Variants in POLR3A observed in about 807,000 individuals in gnomAD.
The protein encoded by POLR3A is RNA polymerase III subunit A, also known as DNA-directed RNA polymerase III subunit RPC1.
POLR3A carries 112 observed loss-of-function variants against 152.8 expected under a neutral mutation model. That is an observed-to-expected ratio of 0.73 (90% CI 0.63 to 0.86). POLR3A has a LOEUF of 0.86. POLR3A is among the 40% of genes least tolerant of loss of function. The probability of loss-of-function intolerance (pLI) is 0.00; values close to 1 mark genes in which losing one functional copy is unlikely to be tolerated. For missense variants in POLR3A, 1,385 were observed against 1,743.1 expected, an observed-to-expected ratio of 0.79 and a Z score of 3.66; for synonymous variants, 615 against 652.1, an observed-to-expected ratio of 0.94 and a Z score of 0.87.
chr10:77,997,246 G>A (rs1171688191), intron 19 of POLR3A, among the ~76,000 whole-genome samples: 3 of 151,782 alleles, frequency 2.0e-5, no homozygotes, highest in Admixed American at 6.6e-5. Flanking sequence ...CTTTGAAAAC[G>A]GGCACAAGAC....
At chr10:78,005,229 G>A (rs1291599808) in intron 15 of POLR3A, among the ~76,000 whole-genome samples, 1 of 152,232 alleles carries the variant, frequency 6.6e-6, no homozygotes, top group African/African-American at 2.4e-5. Context: ...GGGTGCAGTG[G>A]CTCACGCCTA....
Position 77,993,360 on chromosome 10 carries a change from A to G in POLR3A, c.2624T>C (p.Leu875Pro), listed in dbSNP as rs757071404. ...TAETGYMQRR[L>P]VKSLEDLCSQ... Reference sequence around the variant, plus strand: ...GCAAAGATCTTCAAGAGATTTGACAAGCCTTCGCTAAAGGAAAAGGAGGAA... The same window carrying G: ...GCAAAGATCTTCAAGAGATTTGACAGGCCTTCGCTAAAGGAAAAGGAGGAA... The change falls in exon 20 of 31, where the codon CTT becomes CCT. Residue 875 changes from leucine (L) to proline (P), a missense_variant. Physicochemically the swap from Leu to Pro is moderately conservative, Grantham distance 98. Around this residue, in one of 7 missense-constraint regions of POLR3A, gnomAD observed 178 missense variants for 204.6 expected, o/e 0.87. Transcript: ENST00000372371. 6.2e-7 allele frequency: 1 copy of G among 1,613,520 alleles called. No individual in the cohort carries two copies.
intron 20 of POLR3A, among the ~76,000 whole-genome samples, chr10:77,991,423 C>T (rs1847246772): frequency 6.6e-6 from 1 of 152,170 alleles, no homozygotes; most frequent in African/African-American, 2.4e-5. Context: ...GCCTTCGCCA[C>T]CCCACTGCCC....
chr10:77,985,442 A>T (rs1416320841), intron 23 of POLR3A, 102 bp from the exon 24 acceptor site: 1 of 911,268 alleles, frequency 1.1e-6, no homozygotes, highest in African/African-American at 1.6e-5. Flanking sequence ...CAGAGAATAT[A>T]GATGCTATTA....
chr10:78,020,173 CAAAAAAAAAAAA>C lies in POLR3A; in HGVS notation c.1186-920_1186-909del, dbSNP rs34239022. On this transcript the variant is annotated intron_variant, in intron 8 of 30. Transcript: ENST00000372371. ...TGGGCAATAGAGTGAGACTCAGTCT[CAAAAAAAAAAAA>C]AAAAAAAAAGTGCTAGCTGGGCACA... 6 of 74,094 alleles carry C rather than the reference CAAAAAAAAAAAA, an allele frequency of 8.1e-5. No homozygotes were observed. The East Asian group carries it at 2.0e-3, about 25-fold the overall frequency. 4.6% of individuals were successfully genotyped at this position (74,094 alleles called of 1,614,324 possible).
At chr10:78,016,781 G>A (rs181949176) in intron 10 of POLR3A, among the ~76,000 whole-genome samples, 24 of 151,476 alleles carry the variant, frequency 1.6e-4, no homozygotes, top group Admixed American at 1.5e-3. Flanking sequence ...AGGCTGAGGT[G>A]GGAGGATCGC....
rs939568896 is a variant in POLR3A, at chr10:77,977,257, C to T, written c.*221G>A. 1 of 577,188 alleles carries T rather than the reference C, an allele frequency of 1.7e-6. No homozygotes were observed. 35.8% of individuals were successfully genotyped at this position (577,188 alleles called of 1,614,324 possible). A position where few individuals can be genotyped will look rare whatever the true frequency, so the allele number is the denominator to read the frequency against. ...GGTTTCAAGCAAGCAAACAATAAAA[C>T]CCTCAGCTCTCCCGAGCAGCGTGGC... On this transcript the variant is annotated 3_prime_UTR_variant, in exon 31 of 31. Transcript: ENST00000372371.
chr10:77,977,697 G>C, intron 30 of POLR3A, 71 bp from the exon 31 acceptor site: 1 of 1,347,774 alleles, frequency 7.4e-7, no homozygotes, highest in Non-Finnish European at 1.1e-6. Context: ...AAAGACTATT[G>C]GCTTAAGTGT....
chr10:77,979,122 C>G (rs1847116416), intron 30 of POLR3A, among the ~76,000 whole-genome samples: 1 of 152,180 alleles, frequency 6.6e-6, no homozygotes, highest in South Asian at 2.1e-4. Context: ...CCTTCTTTAT[C>G]TTAAAGACTT....
At chr10:78,021,515 C>A (rs1426630170) in intron 8 of POLR3A, 31 bp downstream of exon 8, 1 of 1,612,802 alleles carries the variant, frequency 6.2e-7, no homozygotes, top group Non-Finnish European at 8.5e-7. Context: ...GAATTTAAAA[C>A]AAAGAATTGA....
chr10:78,028,847 A>C (rs896751650), intron 1 of POLR3A, among the ~76,000 whole-genome samples: 6 of 151,690 alleles, frequency 4.0e-5, no homozygotes, highest in African/African-American at 1.5e-4. Context: ...GCCACCGCCT[A>C]ATAACGTATT....
At chr10:78,013,546 G>A in intron 11 of POLR3A, 104 bp downstream of exon 11, 1 of 1,167,242 alleles carries the variant, frequency 8.6e-7, no homozygotes, top group Non-Finnish European at 1.3e-6. Context: ...GAAAGAGCCT[G>A]GCTTCTTTGG....
chr10:77,981,536 C>T lies in POLR3A; in HGVS notation c.3783G>A (p.Glu1261=). The T allele has an allele frequency of 6.2e-7, 1 of 1,614,062 alleles. No homozygotes were observed. The highest frequency in any genetic ancestry group is 8.5e-7 in the Non-Finnish European group (1 of 1,179,974). The change falls in exon 29 of 31, where the codon GAG becomes GAA. Residue 1261 remains glutamate, a synonymous_variant. Transcript: ENST00000372371. ...TYEVEKTLGI[E]AARTTIINEI... is the part of the protein sequence containing the mutation. ...CATTGATGATCGTTGTCCGGGCGGC[C>T]TCGATGCCCAGAGTTTTCTCCACCT...
At chr10:78,017,018 G>A (rs888705840) in intron 10 of POLR3A, among the ~76,000 whole-genome samples, 6 of 151,958 alleles carry the variant, frequency 3.9e-5, no homozygotes, top group Middle Eastern at 3.4e-3. Flanking sequence ...TGAATATTAC[G>A]TTGCAAATAT....
At chr10:77,992,630 A>G (rs1350499511) in intron 20 of POLR3A, among the ~76,000 whole-genome samples, 5 of 151,732 alleles carry the variant, frequency 3.3e-5, no homozygotes, top group African/African-American at 4.8e-5. Context: ...TTTAGTAGAG[A>G]TGGGGTTTCA....
At chr10:78,022,634 T>G (rs1847591082) in intron 5 of POLR3A, among the ~76,000 whole-genome samples, 1 of 152,206 alleles carries the variant, frequency 6.6e-6, no homozygotes. Flanking sequence ...ACACAAAGAT[T>G]TAGCTACAAG....
In POLR3A at chr10:77,975,610, G is replaced by A. The variant is rs547020650; in HGVS notation, c.*1868C>T. ...CCAACTGAGTACTCACTCACGCAAG[G>A]TGAGGCTCCTTGGCGGTGCCATCTT... On this transcript the variant is annotated 3_prime_UTR_variant, in exon 31 of 31. Transcript: ENST00000372371. 2 of 152,452 alleles carry A rather than the reference G, an allele frequency of 1.3e-5. No homozygotes were observed. The highest frequency in any genetic ancestry group is 2.1e-4 in the South Asian group (1 of 4,824). The allele number at this position is 152,452 out of a possible 1,614,324, so 9.4% of individuals were successfully genotyped here. A position where few individuals can be genotyped will look rare whatever the true frequency, so the allele number is the denominator to read the frequency against.
Position 78,019,213 on chromosome 10 carries a change from T to C in POLR3A, c.1238A>G (p.Glu413Gly). The change falls in exon 9 of 31, where the codon GAG becomes GGG. Residue 413 changes from glutamate (E) to glycine (G), a missense_variant. Transcript: ENST00000372371. Reference protein sequence around the residue: ...FLRKLVQNGPEVHPGANFIQQ... With the variant: ...FLRKLVQNGPGVHPGANFIQQ... The stretch of plus-strand genomic sequence containing the variant: ...AATGAAGTTTGCTCCTGGGTGAACC[T>C]CAGGGCCGTTTTGAACCAGTTTCCT... 1 of 1,614,070 alleles carries C rather than the reference T, an allele frequency of 6.2e-7. No homozygotes were observed. Among genetic ancestry groups the C allele is most frequent in the Non-Finnish European group, 8.5e-7 (1 of 1,179,964 alleles).
At position 78,000,965 on chromosome 10, in the gene POLR3A, C is replaced by A; in HGVS notation, c.2478+11G>T. The A allele has an allele frequency of 7.4e-7, 1 of 1,358,762 alleles. No individual in the cohort carries two copies. The highest frequency in any genetic ancestry group is 1.0e-6 in the Non-Finnish European group (1 of 953,016). 84.2% of individuals were successfully genotyped at this position (1,358,762 alleles called of 1,614,324 possible). A position where few individuals can be genotyped will look rare whatever the true frequency, so the allele number is the denominator to read the frequency against. ...GATCTTCACAGTTCTACCTGATCTG[C>A]TACTGCTTACCTTTGAGTGTTTTTC... On this transcript the variant is annotated intron_variant, in intron 18 of 30. Transcript: ENST00000372371.
Sources: gnomAD v4.1 joint callset for allele counts (sites outside exome capture counted in the v4.1 genomes callset) on GRCh38, gnomAD v4.1.1 for gene constraint, gnomAD v4.1.1 regional missense constraint, MANE v1.5 for transcripts, NCBI Gene and HGNC (gene_info 2026-07-23, HGNC 2026-07-21) for gene names.